Variants in LINGO2 observed in about 807,000 individuals in gnomAD.
The protein encoded by LINGO2 is leucine rich repeat and Ig domain containing 2, also known as leucine-rich repeat and immunoglobulin-like domain-containing nogo receptor-interacting protein 2.
LINGO2 carries 14 observed loss-of-function variants against 30.6 expected under a neutral mutation model. That is an observed-to-expected ratio of 0.46 (90% confidence interval 0.30 to 0.72). The LOEUF is 0.72. Among genes scored for constraint, LINGO2 ranks in the 30% least tolerant of loss-of-function variants. The pLI is 0.07. For missense variants in LINGO2, 729 were observed against 751.7 expected (o/e 0.97, Z 0.35); for synonymous variants, 317 against 288.5 (o/e 1.10, Z -1.00).
chr9:28,222,663 A>G (rs1013556504), intron 4 of LINGO2, among the ~76,000 whole-genome samples: 1 of 152,220 alleles, frequency 6.6e-6, no homozygotes, highest in Non-Finnish European at 1.5e-5. Flanking sequence ...ATTTGGTTTA[A>G]TAACTATTTG....
At chr9:28,504,264 G>A (rs1444386881) in intron 1 of LINGO2, among the ~76,000 whole-genome samples, 1 of 151,726 alleles carries the variant, frequency 6.6e-6, no homozygotes, top group Non-Finnish European at 1.5e-5. Context: ...TGGCTGTTTA[G>A]TATTGTTTAT....
intron 2 of LINGO2, among the ~76,000 whole-genome samples, chr9:28,406,199 G>C (rs1822507138): frequency 6.6e-6 from 1 of 152,154 alleles, no homozygotes; most frequent in African/African-American, 2.4e-5. Flanking sequence ...AGCACTTAGG[G>C]AGGAGGTGGG....
intron 3 of LINGO2, among the ~76,000 whole-genome samples, chr9:28,299,036 T>C (rs4620366): frequency 0.98 from 149,853 of 152,256 alleles, 73,790 homozygotes; most frequent in Middle Eastern, 1. Flanking sequence ...AGAAAGCTTT[T>C]CAAAGGATCC....
chr9:28,034,654 A>ATT (rs1339374718), intron 4 of LINGO2, among the ~76,000 whole-genome samples: 2 of 152,178 alleles, frequency 1.3e-5, no homozygotes, highest in Non-Finnish European at 2.9e-5. Context: ...GAGAACAAGG[A>ATT]TTTCTCTCTC....
chr9:28,755,503 G>A, the LINGO2 span, among the ~76,000 whole-genome samples: 9 of 152,036 alleles, frequency 5.9e-5, no homozygotes, highest in Admixed American at 4.6e-4. Context: ...AAAATGACTG[G>A]CTTTTACAAT....
At chr9:29,148,610 C>T in the LINGO2 span, among the ~76,000 whole-genome samples, 8 of 152,180 alleles carry the variant, frequency 5.3e-5, no homozygotes, top group African/African-American at 1.9e-4. Flanking sequence ...TGGACTATTC[C>T]TTACATTTCA....
the LINGO2 span, among the ~76,000 whole-genome samples, chr9:28,949,641 C>T: frequency 6.6e-6 from 1 of 152,036 alleles, no homozygotes; most frequent in Non-Finnish European, 1.5e-5. Context: ...CAAAAAAAGC[C>T]CAGGACCAGA....
Position 28,148,916 on chromosome 9 carries a change from A to G in LINGO2, c.-86-136511T>C. 1 of 1,533,920 alleles carries G rather than the reference A, an allele frequency of 6.5e-7. No individual in the cohort carries two copies. Among genetic ancestry groups the G allele is most frequent in the East Asian group, 2.4e-5 (1 of 40,894 alleles). The stretch of plus-strand genomic sequence containing the variant: ...GGATCCTGCAGCTCTTGGGTCAAGT[A>G]GGTCTTCTCCACACAGAGCTGCCGG... On this transcript the variant is annotated intron_variant, in intron 4 of 5. Transcript: ENST00000379992. This position sits in a 1 kb window ranked among gnomAD's most constrained non-coding sequence, Gnocchi z 5.1.
chr9:28,053,957 C>T (rs897283376), intron 4 of LINGO2, among the ~76,000 whole-genome samples: 8 of 151,810 alleles, frequency 5.3e-5, no homozygotes, highest in Non-Finnish European at 5.9e-5. Context: ...AAAAGGAAGG[C>T]CAAGTATTAT....
intron 2 of LINGO2, among the ~76,000 whole-genome samples, chr9:28,465,675 T>A (rs1449274879): frequency 1.3e-5 from 2 of 152,136 alleles, no homozygotes; most frequent in African/African-American, 4.8e-5. Flanking sequence ...GAAGAGACGA[T>A]CCACAGAATA....
At chr9:28,097,961 C>T (rs570948526) in intron 4 of LINGO2, among the ~76,000 whole-genome samples, 1 of 152,086 alleles carries the variant, frequency 6.6e-6, no homozygotes, top group Non-Finnish European at 1.5e-5. Context: ...CCTTGCTTAG[C>T]CAATGCTTCT....
chr9:28,211,304 T>C (rs1176097452), intron 4 of LINGO2, among the ~76,000 whole-genome samples: 5 of 149,634 alleles, frequency 3.3e-5, no homozygotes, highest in Non-Finnish European at 7.5e-5. Flanking sequence ...TTTTTTTTTT[T>C]AGTTTGAGGA....
the LINGO2 span, among the ~76,000 whole-genome samples, chr9:29,106,150 T>C: frequency 3.3e-5 from 5 of 152,302 alleles, no homozygotes; most frequent in Non-Finnish European, 7.4e-5. Context: ...TTTTATACTT[T>C]GTATAATCTC....
At chr9:28,311,146 C>A (rs1390410979) in intron 3 of LINGO2, among the ~76,000 whole-genome samples, 3 of 151,870 alleles carry the variant, frequency 2.0e-5, no homozygotes, top group Non-Finnish European at 1.5e-5. Context: ...TTCTGTGATG[C>A]CCCCCGAGCC....
At chr9:28,657,673 C>T (rs1347788712) in intron 1 of LINGO2, among the ~76,000 whole-genome samples, 1 of 151,894 alleles carries the variant, frequency 6.6e-6, no homozygotes, top group Non-Finnish European at 1.5e-5. Context: ...TAACGGTTGT[C>T]AACATTCTTG....
intron 4 of LINGO2, among the ~76,000 whole-genome samples, chr9:28,293,690 A>C (rs1823821358): frequency 6.6e-6 from 1 of 152,138 alleles, no homozygotes; most frequent in Admixed American, 6.5e-5. Flanking sequence ...ACGTCTCCAA[A>C]AAAAATTTTT....
intron 4 of LINGO2, among the ~76,000 whole-genome samples, chr9:28,208,929 C>T (rs1278650724): frequency 6.6e-6 from 1 of 151,982 alleles, no homozygotes; most frequent in Non-Finnish European, 1.5e-5. Flanking sequence ...GATATCATTT[C>T]TCTACTCTTA....
chr9:29,136,750 G>A, the LINGO2 span, among the ~76,000 whole-genome samples: 36,233 of 151,822 alleles, frequency 0.24, 4,508 homozygotes, highest in East Asian at 0.44. Flanking sequence ...GCATAATATA[G>A]TCCATAACCA....
chr9:29,053,754 T>A, the LINGO2 span, among the ~76,000 whole-genome samples: 1 of 152,150 alleles, frequency 6.6e-6, no homozygotes, highest in Admixed American at 6.5e-5. Flanking sequence ...ATTGTCATTG[T>A]ATTTCAAGTA....
Sources: gnomAD v4.1 joint callset for allele counts (sites outside exome capture counted in the v4.1 genomes callset) on GRCh38, gnomAD v4.1.1 for gene constraint, Gnocchi (gnomAD v3.1) non-coding constraint, MANE v1.5 for transcripts, NCBI Gene and HGNC (gene_info 2026-07-23, HGNC 2026-07-21) for gene names.